Variants in LDLRAD4 observed in about 807,000 individuals in gnomAD.
LDLRAD4 encodes low density lipoprotein receptor class A domain containing 4, also known as low-density lipoprotein receptor class A domain-containing protein 4.
In LDLRAD4, 5 loss-of-function variants were observed where a neutral mutation model predicts 17.0. That is an observed-to-expected ratio of 0.29 (90% CI 0.15 to 0.62). The LOEUF (loss-of-function observed/expected upper bound fraction) is 0.62. LDLRAD4 is among the 20% of genes least tolerant of loss of function. LDLRAD4 has a pLI of 0.84. For missense variants in LDLRAD4, 340 were observed against 424.7 expected, an observed-to-expected ratio of 0.80 and a Z score of 1.75; for synonymous variants, 168 against 171.8, an observed-to-expected ratio of 0.98 and a Z score of 0.17.
At chr18:13,389,630 G>A (rs2086111277) in intron 2 of LDLRAD4, among the ~76,000 whole-genome samples, 1 of 152,146 alleles carries the variant, frequency 6.6e-6, no homozygotes, top group Admixed American at 6.5e-5. Context: ...TGGACCTGAC[G>A]GCAGGGTGGA....
intron 1 of LDLRAD4, among the ~76,000 whole-genome samples, chr18:13,324,019 C>G (rs892431721): frequency 1.3e-5 from 2 of 151,648 alleles, no homozygotes; most frequent in African/African-American, 4.8e-5. Context: ...GAGCCAAGAT[C>G]GTGCCGCTGC....
At chr18:13,584,512 G>A (rs1468192594) in intron 3 of LDLRAD4, among the ~76,000 whole-genome samples, 1 of 152,096 alleles carries the variant, frequency 6.6e-6, no homozygotes, top group African/African-American at 2.4e-5. Context: ...GCTCATCCGT[G>A]TTGTTCCCCT....
chr18:13,535,707 T>C lies in LDLRAD4; in HGVS notation c.182-85410T>C, dbSNP rs116974239. On this transcript the variant is annotated intron_variant, in intron 3 of 5. Coordinates refer to ENST00000359446, the Ensembl canonical transcript of LDLRAD4. ...TCTTATATAAATTGTGGATTTCATG[T>C]CCTGTTTAAGAAATCTTTGCCCAAC... Among the ~76,000 whole-genome samples, 757 of 152,328 alleles carry C rather than the reference T, an allele frequency of 5.0e-3. 4 individuals carry two copies. The highest frequency in any genetic ancestry group is 4.5e-3 in the Non-Finnish European group (303 of 68,022).
chr18:13,519,026 G>A (rs1313009791), intron 3 of LDLRAD4, among the ~76,000 whole-genome samples: 1 of 152,178 alleles, frequency 6.6e-6, no homozygotes, highest in Non-Finnish European at 1.5e-5. Context: ...AATGCCCTAG[G>A]CTTTGTCTCC....
At chr18:13,331,404 A>G (rs1043825014) in intron 1 of LDLRAD4, among the ~76,000 whole-genome samples, 6 of 152,194 alleles carry the variant, frequency 3.9e-5, no homozygotes. Context: ...AAGTTTGAGT[A>G]TTTTTCCACA....
chr18:13,343,568 C>T (rs532032288), intron 1 of LDLRAD4, among the ~76,000 whole-genome samples: 1 of 152,230 alleles, frequency 6.6e-6, no homozygotes, highest in African/African-American at 2.4e-5. Flanking sequence ...TTTATAGCAG[C>T]ATGATTTATA....
At chr18:13,475,762 T>C (rs917495694) in intron 3 of LDLRAD4, among the ~76,000 whole-genome samples, 1 of 152,206 alleles carries the variant, frequency 6.6e-6, no homozygotes, top group Non-Finnish European at 1.5e-5. Flanking sequence ...CAGCCGTGCA[T>C]GACTCCATGC....
intron 2 of LDLRAD4, among the ~76,000 whole-genome samples, chr18:13,408,613 C>T (rs1454006473): frequency 2.0e-5 from 3 of 151,992 alleles, no homozygotes; most frequent in Non-Finnish European, 4.4e-5. Flanking sequence ...GCTGGGATTA[C>T]AGGCACCCGC....
At chr18:13,379,188 AC>A (rs1372843990) in intron 1 of LDLRAD4, among the ~76,000 whole-genome samples, 6 of 152,204 alleles carry the variant, frequency 3.9e-5, no homozygotes, top group African/African-American at 1.4e-4. Flanking sequence ...CAGAGCCCAG[AC>A]TTTTGTCCTC....
At chr18:13,230,667 G>A (rs1268375993) in intron 1 of LDLRAD4, among the ~76,000 whole-genome samples, 2 of 152,120 alleles carry the variant, frequency 1.3e-5, no homozygotes, top group African/African-American at 4.8e-5. Flanking sequence ...TGCAGGTGGG[G>A]GAAGAGGTGG....
chr18:13,455,925 G>C (rs1424293823), intron 3 of LDLRAD4, among the ~76,000 whole-genome samples: 1 of 152,204 alleles, frequency 6.6e-6, no homozygotes, highest in African/African-American at 2.4e-5. Flanking sequence ...CAGAGCCCCA[G>C]CTTCCGAAGT....
At chr18:13,238,360 T>G (rs1177278545) in intron 1 of LDLRAD4, among the ~76,000 whole-genome samples, 2 of 152,272 alleles carry the variant, frequency 1.3e-5, no homozygotes, top group African/African-American at 4.8e-5. Flanking sequence ...ATAGATTTTT[T>G]GCTCAACTGG....
At chr18:13,402,179 G>A (rs2087286726) in intron 2 of LDLRAD4, among the ~76,000 whole-genome samples, 1 of 152,164 alleles carries the variant, frequency 6.6e-6, no homozygotes, top group Admixed American at 6.5e-5. Flanking sequence ...AGATCCTTCA[G>A]GCTGTGGGCC....
chr18:13,412,845 T>C (rs2088504907), intron 2 of LDLRAD4, among the ~76,000 whole-genome samples: 2 of 152,220 alleles, frequency 1.3e-5, no homozygotes, highest in African/African-American at 2.4e-5. Flanking sequence ...TTGTACATGA[T>C]CTTATGGACG....
intron 1 of LDLRAD4, among the ~76,000 whole-genome samples, chr18:13,384,497 G>A (rs2085638544): frequency 6.6e-6 from 1 of 152,184 alleles, no homozygotes. Context: ...ATGCAATGCA[G>A]TACGTCACTA....
intron 3 of LDLRAD4, among the ~76,000 whole-genome samples, chr18:13,453,010 A>T (rs950406385): frequency 1.8e-4 from 27 of 152,148 alleles, no homozygotes; most frequent in African/African-American, 6.5e-4. Context: ...GGGCACAGAG[A>T]TGGGCTTGTG....
At chr18:13,252,600 G>C (rs940589084) in intron 1 of LDLRAD4, among the ~76,000 whole-genome samples, 1 of 152,198 alleles carries the variant, frequency 6.6e-6, no homozygotes, top group Non-Finnish European at 1.5e-5. Context: ...TGATGACGAG[G>C]TTGGTGCTGC....
At chr18:13,499,686 G>A (rs1265386298) in intron 3 of LDLRAD4, among the ~76,000 whole-genome samples, 1 of 140,544 alleles carries the variant, frequency 7.1e-6, no homozygotes, top group Non-Finnish European at 1.5e-5. Flanking sequence ...TCCTGCCATG[G>A]ACACCGGAGA....
chr18:13,322,151 A>G lies in LDLRAD4; in HGVS notation c.-383+43963A>G, dbSNP rs1043493655. 5.3e-5 allele frequency among the ~76,000 whole-genome samples: 8 copies of G among 151,962 alleles called. No individual in the cohort carries two copies. In the East Asian group the frequency reaches 1.5e-3, roughly 29 times the overall value. ...TTGCGACACACTTAACATAATTTGAAAATTACTTCTTTGTGAAAAATTGTC... is the reference window on the plus strand; with the variant it reads ...TTGCGACACACTTAACATAATTTGAGAATTACTTCTTTGTGAAAAATTGTC... On this transcript the variant is annotated intron_variant, in intron 1 of 5. Transcript: ENST00000359446.
Sources: allele counts gnomAD v4.1 joint callset (sites outside exome capture counted in the v4.1 genomes callset), GRCh38; gene constraint gnomAD v4.1.1; transcripts MANE v1.5; gene names NCBI Gene and HGNC (gene_info 2026-07-23, HGNC 2026-07-21).